PARD3B: variants seen among roughly 807,000 people sequenced by gnomAD.
PARD3B encodes the protein par-3 family cell polarity regulator beta, also known as partitioning defective 3 homolog B.
In PARD3B, 103 loss-of-function variants were observed where a neutral mutation model predicts 130.2. The ratio of observed to expected loss-of-function variants is 0.79; its 90% CI spans 0.67 to 0.93. The LOEUF (loss-of-function observed/expected upper bound fraction) is 0.93, where lower values mean the gene tolerates loss of function less well. Ranked by LOEUF, PARD3B falls within the 40% of genes least tolerant of loss-of-function variation. The pLI is 0.00. For missense variants in PARD3B, 1,609 were observed against 1,499.2 expected, an observed-to-expected ratio of 1.07 and a Z score of -1.21; for synonymous variants, 583 against 553.2, an observed-to-expected ratio of 1.05 and a Z score of -0.76.
chr2:204,559,935 A>G (rs992567243), intron 1 of PARD3B, among the ~76,000 whole-genome samples: 2 of 152,172 alleles, frequency 1.3e-5, no homozygotes, highest in African/African-American at 4.8e-5. Context: ...AACTATCACA[A>G]AGACAGAAAA....
intron 1 of PARD3B, among the ~76,000 whole-genome samples, chr2:204,546,642 C>G (rs2029960896): frequency 6.6e-6 from 1 of 152,188 alleles, no homozygotes; most frequent in Admixed American, 6.5e-5. Context: ...GCTGCCCTGT[C>G]TCAGTGACTT....
intron 20 of PARD3B, among the ~76,000 whole-genome samples, chr2:205,462,727 C>T (rs1266262662): frequency 6.6e-6 from 1 of 152,132 alleles, no homozygotes; most frequent in Non-Finnish European, 1.5e-5. Flanking sequence ...AAGAAGAAGA[C>T]AGATGACCAA....
chr2:205,499,230 A>C (rs1389303569), intron 20 of PARD3B, among the ~76,000 whole-genome samples: 1 of 152,128 alleles, frequency 6.6e-6, no homozygotes, highest in East Asian at 1.9e-4. Flanking sequence ...TGGAAAAGCT[A>C]TAATTCATAA....
chr2:205,565,542 C>A (rs900011868), intron 22 of PARD3B, among the ~76,000 whole-genome samples: 14 of 152,176 alleles, frequency 9.2e-5, no homozygotes, highest in Non-Finnish European at 1.8e-4. Flanking sequence ...ACTCTGCCTT[C>A]TGTGGGTCGG....
At chr2:205,554,504 T>A (rs1290303291) in intron 22 of PARD3B, among the ~76,000 whole-genome samples, 1 of 152,246 alleles carries the variant, frequency 6.6e-6, no homozygotes, top group Non-Finnish European at 1.5e-5. Flanking sequence ...ATTTTAAAAC[T>A]TTTATAAAGT....
intron 22 of PARD3B, among the ~76,000 whole-genome samples, chr2:205,605,986 G>A (rs1372918900): frequency 6.6e-6 from 1 of 152,190 alleles, no homozygotes; most frequent in East Asian, 1.9e-4. Flanking sequence ...TTGGTGAGGA[G>A]GGATGGATCA....
At position 205,615,951 on chromosome 2, in the gene PARD3B, C is replaced by T; in HGVS notation, c.*138C>T. ...GCTTTTTCTCACTGACATTGTAACG[C>T]ATGACTGCTAATCAGAGAGAAAAAG... is the stretch of plus-strand genomic sequence containing the variant. On this transcript the variant is annotated 3_prime_UTR_variant, in exon 23 of 23. Transcript: ENST00000406610. 4 of 748,928 alleles carry T rather than the reference C, an allele frequency of 5.3e-6. No individual in the cohort carries two copies. The highest frequency in any genetic ancestry group is 8.8e-6 in the Non-Finnish European group (4 of 455,618). The allele number at this position is 748,928 out of a possible 1,614,324, so 46.4% of individuals were successfully genotyped here. A position where few individuals can be genotyped will look rare whatever the true frequency, so the allele number is the denominator to read the frequency against.
intron 2 of PARD3B, among the ~76,000 whole-genome samples, chr2:204,825,080 AC>A (rs2043517607): frequency 6.6e-6 from 1 of 152,182 alleles, no homozygotes; most frequent in African/African-American, 2.4e-5. Context: ...AGAGAAGCAA[AC>A]AGTCATTGTC....
intron 5 of PARD3B, among the ~76,000 whole-genome samples, chr2:205,106,772 T>C (rs955593020): frequency 6.6e-6 from 1 of 152,098 alleles, no homozygotes; most frequent in Non-Finnish European, 1.5e-5. Context: ...GCAGCTAAAA[T>C]CAGTTTTATA....
intron 3 of PARD3B, among the ~76,000 whole-genome samples, chr2:204,972,749 C>T (rs983657818): frequency 2.0e-5 from 3 of 152,162 alleles, no homozygotes; most frequent in Non-Finnish European, 4.4e-5. Context: ...CCCCTTTGGC[C>T]TCTTACCAAT....
chr2:204,728,825 C>G (rs2039358376), intron 2 of PARD3B, among the ~76,000 whole-genome samples: 1 of 152,076 alleles, frequency 6.6e-6, no homozygotes, highest in South Asian at 2.1e-4. Context: ...TAATTTAAGG[C>G]TATTAGATAA....
intron 18 of PARD3B, among the ~76,000 whole-genome samples, chr2:205,338,945 G>A (rs1397575598): frequency 1.3e-5 from 2 of 152,160 alleles, no homozygotes; most frequent in African/African-American, 4.8e-5. Context: ...AGATTGGTGG[G>A]GGAAGGGGGA....
At chr2:205,561,753 T>C (rs2106522480) in intron 22 of PARD3B, among the ~76,000 whole-genome samples, 1 of 152,316 alleles carries the variant, frequency 6.6e-6, no homozygotes, top group East Asian at 1.9e-4. Flanking sequence ...AGATTGCTGC[T>C]CTGACTTTGC....
At chr2:204,859,095 A>G (rs1473236179) in intron 2 of PARD3B, among the ~76,000 whole-genome samples, 1 of 152,044 alleles carries the variant, frequency 6.6e-6, no homozygotes, top group Non-Finnish European at 1.5e-5. Flanking sequence ...TAAATATAGT[A>G]TGCTTCAAGG....
intron 22 of PARD3B, among the ~76,000 whole-genome samples, chr2:205,567,275 A>G (rs2053376345): frequency 6.7e-6 from 1 of 148,948 alleles, no homozygotes; most frequent in South Asian, 2.1e-4. Flanking sequence ...GAATTGATGA[A>G]TTTGGATAAA....
rs71410814 is a variant in PARD3B, at chr2:205,442,290, CT to C, written c.3044+1644del. ...GGTAAGCCACAAGGAACAGGTTTTC[CT>C]TTTTTTTTTTTTTTTTTTTTTTTTT... On this transcript the variant is annotated intron_variant, in intron 20 of 22. Transcript: ENST00000406610. Among the ~76,000 whole-genome samples the C allele has an allele frequency of 9.0e-3, 953 of 105,948 alleles. 1 individual carries two copies. Among genetic ancestry groups the C allele is most frequent in the African/African-American group, 0.012 (287 of 23,588 alleles). 69.5% of individuals were successfully genotyped at this position (105,948 alleles called of 152,430 possible). A position where few individuals can be genotyped will look rare whatever the true frequency, so the allele number is the denominator to read the frequency against.
At chr2:204,998,830 C>T (rs964659278) in intron 3 of PARD3B, among the ~76,000 whole-genome samples, 2 of 152,108 alleles carry the variant, frequency 1.3e-5, no homozygotes, top group African/African-American at 2.4e-5. Flanking sequence ...TCTCCTGCCT[C>T]AGCCTCCCGA....
At chr2:205,036,671 C>T (rs1039583044) in intron 3 of PARD3B, among the ~76,000 whole-genome samples, 4 of 138,540 alleles carry the variant, frequency 2.9e-5, no homozygotes, top group Admixed American at 2.2e-4. Context: ...ACTGTATGTA[C>T]AAAAAATATA....
chr2:205,494,348 C>G (rs551904278), intron 20 of PARD3B, among the ~76,000 whole-genome samples: 1 of 152,250 alleles, frequency 6.6e-6, no homozygotes, highest in African/African-American at 2.4e-5. Context: ...GTGACCACCT[C>G]CCTCTCATTC....
Sources: gnomAD v4.1 joint callset for allele counts (sites outside exome capture counted in the v4.1 genomes callset) on GRCh38, gnomAD v4.1.1 for gene constraint, MANE v1.5 for transcripts, NCBI Gene and HGNC (gene_info 2026-07-23, HGNC 2026-07-21) for gene names.